ASXL2: variants seen among roughly 807,000 people sequenced by gnomAD.
The protein encoded by ASXL2 is ASXL transcriptional regulator 2.
In ASXL2, 23 loss-of-function variants were observed where a neutral mutation model predicts 122.0. That is an observed-to-expected ratio of 0.19 (90% CI 0.14 to 0.27). The LOEUF is 0.27. Ranked by LOEUF, ASXL2 falls within the 10% of genes least tolerant of loss-of-function variation. The pLI is 1.00. For synonymous variants in ASXL2, 650 were observed against 637.0 expected (o/e 1.02, Z -0.31); for missense variants, 1,518 against 1,713.8 (o/e 0.89, Z 2.02).
chr2:25,851,608 T>C (rs1012175464), intron 1 of ASXL2, among the ~76,000 whole-genome samples: 7 of 152,280 alleles, frequency 4.6e-5, no homozygotes, highest in East Asian at 1.9e-4. Context: ...CTCCCTTTGA[T>C]AGCTTAATAC....
chr2:25,738,975 G>GT lies in ASXL2; in HGVS notation c.*3053dup, dbSNP rs1206175173. ...TCCAGGCTATTTGGCTTTACTTTCT[G>GT]TTTAATAGGATGGAGAATTCTAATT... On this transcript the variant is annotated 3_prime_UTR_variant, in exon 13 of 13. Transcript: ENST00000435504. 6.6e-6 allele frequency: 1 copy of GT among 152,186 alleles called. No individual in the cohort carries two copies. Among genetic ancestry groups the GT allele is most frequent in the Non-Finnish European group, 1.5e-5 (1 of 68,018 alleles). 9.4% of individuals were successfully genotyped at this position (152,186 alleles called of 1,614,324 possible). A position where few individuals can be genotyped will look rare whatever the true frequency, so the allele number is the denominator to read the frequency against.
At position 25,741,645 on chromosome 2, in the gene ASXL2, G is replaced by A; in HGVS notation, c.*384C>T. The A allele has an allele frequency of 3.9e-6, 1 of 253,888 alleles. No homozygotes were observed. The highest frequency in any genetic ancestry group is 7.7e-6 in the Non-Finnish European group (1 of 129,580). 15.7% of individuals were successfully genotyped at this position (253,888 alleles called of 1,614,324 possible). A position where few individuals can be genotyped will look rare whatever the true frequency, so the allele number is the denominator to read the frequency against. On this transcript the variant is annotated 3_prime_UTR_variant, in exon 13 of 13. Transcript: ENST00000435504. ...CTAGCTTCCTAGGAAATGTCAGAAGGGAGACAGCTTCCTTTTACCATGCCG... is the reference window on the plus strand; with the variant it reads ...CTAGCTTCCTAGGAAATGTCAGAAGAGAGACAGCTTCCTTTTACCATGCCG...
chr2:25,770,925 T>C (rs963158991), intron 6 of ASXL2, among the ~76,000 whole-genome samples: 7 of 151,486 alleles, frequency 4.6e-5, no homozygotes, highest in African/African-American at 7.3e-5. Context: ...AATTAGACAC[T>C]TTAAAAAATG....
intron 5 of ASXL2, among the ~76,000 whole-genome samples, chr2:25,783,271 G>T (rs931550797): frequency 6.6e-6 from 1 of 151,378 alleles, no homozygotes; most frequent in Non-Finnish European, 1.5e-5. Flanking sequence ...TCTCTACTGG[G>T]TTCAATTTTT....
In ASXL2 at chr2:25,742,202, C is replaced by T. The variant is rs768709532; in HGVS notation, c.4135G>A (p.Gly1379Ser). 4 of 1,613,822 alleles carry T rather than the reference C, an allele frequency of 2.5e-6. No homozygotes were observed. Among genetic ancestry groups the T allele is most frequent in the Non-Finnish European group, 1.7e-6 (2 of 1,179,890 alleles). ...ASQAMNPSSH[G>S]QTIPVQAFSE... ...AACGCCTGAACAGGAATGGTCTGGC[C>T]ATGGCTGCTGGGATTCATAGCTTGG... Residue 1379 changes from glycine to serine, a missense_variant, in exon 13 of 13, where the codon GGC (glycine) becomes AGC (serine). Around this residue, in one of 8 missense-constraint regions of ASXL2, gnomAD observed 831 missense variants for 833.1 expected, o/e 1.00. Transcript: ENST00000435504.
rs950860491 is a variant in ASXL2, at chr2:25,737,128, T to C, written c.*4901A>G. 1.3e-5 allele frequency: 2 copies of C among 152,070 alleles called. No homozygotes were observed. The highest frequency in any genetic ancestry group is 6.6e-5 in the Admixed American group (1 of 15,266). The allele number at this position is 152,070 out of a possible 1,614,324, so 9.4% of individuals were successfully genotyped here. On this transcript the variant is annotated 3_prime_UTR_variant, in exon 13 of 13. Coordinates refer to ENST00000435504, the MANE Select transcript of ASXL2 (RefSeq NM_018263.6). ...AAGGCACAGGTGTTTCTCTTCACAT[T>C]ATTTTCCTTGCTCTTTGACCTCTCC...
At chr2:25,837,981 A>T (rs1292540088) in intron 2 of ASXL2, among the ~76,000 whole-genome samples, 1 of 151,662 alleles carries the variant, frequency 6.6e-6, no homozygotes, top group Non-Finnish European at 1.5e-5. Context: ...AACACAAAAA[A>T]TTAGCCAAGC....
intron 8 of ASXL2, among the ~76,000 whole-genome samples, chr2:25,763,465 G>A (rs1455070331): frequency 6.6e-6 from 1 of 151,678 alleles, no homozygotes; most frequent in African/African-American, 2.4e-5. Flanking sequence ...ACTCCAGCCT[G>A]GGTGACAGAT....
chr2:25,835,839 T>C (rs2089504166), intron 2 of ASXL2, among the ~76,000 whole-genome samples: 1 of 152,236 alleles, frequency 6.6e-6, no homozygotes, highest in Admixed American at 6.5e-5. Context: ...GGCATTTAAA[T>C]GTGGATACAA....
intron 2 of ASXL2, among the ~76,000 whole-genome samples, chr2:25,838,223 A>G (rs1029942677): frequency 1.3e-5 from 2 of 152,240 alleles, no homozygotes; most frequent in African/African-American, 4.8e-5. Context: ...CAGATTCCCC[A>G]GCAGAGGGCT....
chr2:25,800,120 CCCA>C (rs1439062640), intron 4 of ASXL2, among the ~76,000 whole-genome samples: 1 of 151,830 alleles, frequency 6.6e-6, no homozygotes, highest in Non-Finnish European at 1.5e-5. Context: ...ATGGTGAAAC[CCCA>C]CCTCTACAAA....
At chr2:25,752,993 A>G (rs1354537116) in intron 11 of ASXL2, among the ~76,000 whole-genome samples, 2 of 150,730 alleles carry the variant, frequency 1.3e-5, no homozygotes, top group Non-Finnish European at 3.0e-5. Context: ...TTGAGATGGA[A>G]TTTTGCTCTT....
At chr2:25,759,973 TAAATG>T (rs1204536917) in intron 8 of ASXL2, among the ~76,000 whole-genome samples, 3 of 152,192 alleles carry the variant, frequency 2.0e-5, no homozygotes, top group African/African-American at 7.2e-5. Flanking sequence ...AAGTTTATGA[TAAATG>T]ATATGAAGAA....
intron 5 of ASXL2, among the ~76,000 whole-genome samples, chr2:25,782,111 A>G (rs2088652807): frequency 6.6e-6 from 1 of 151,504 alleles, no homozygotes; most frequent in African/African-American, 2.4e-5. Flanking sequence ...TTTTTAATCA[A>G]TATTTATCTC....
At chr2:25,865,099 A>T (rs1295715431) in intron 1 of ASXL2, among the ~76,000 whole-genome samples, 3 of 151,818 alleles carry the variant, frequency 2.0e-5, no homozygotes, top group African/African-American at 7.3e-5. Flanking sequence ...CTGAGATTAC[A>T]GGTGTGAGCC....
intron 9 of ASXL2, among the ~76,000 whole-genome samples, chr2:25,757,025 C>T (rs1311901950): frequency 6.6e-6 from 1 of 152,138 alleles, no homozygotes; most frequent in African/African-American, 2.4e-5. Context: ...GCTTTTTTAA[C>T]CCCAAATCTG....
chr2:25,767,461 T>C, intron 8 of ASXL2, 122 bp downstream of exon 8: 1 of 1,051,230 alleles, frequency 9.5e-7, no homozygotes. Flanking sequence ...AACTTATGTC[T>C]AATCTTTGCT....
At chr2:25,759,402 C>T (rs1036397629) in intron 9 of ASXL2, 80 bp downstream of exon 9, 6 of 1,352,880 alleles carry the variant, frequency 4.4e-6, no homozygotes, top group African/African-American at 1.5e-5. Flanking sequence ...ATTCTTACTT[C>T]TCACTTAGTA....
At chr2:25,862,400 T>A (rs1054336861) in intron 1 of ASXL2, among the ~76,000 whole-genome samples, 8 of 152,208 alleles carry the variant, frequency 5.3e-5, no homozygotes, top group Non-Finnish European at 1.2e-4. Context: ...ATGGTACATA[T>A]GATTCCTGAT....
Sources: gnomAD v4.1 joint callset for allele counts (sites outside exome capture counted in the v4.1 genomes callset) on GRCh38, gnomAD v4.1.1 for gene constraint, gnomAD v4.1.1 regional missense constraint, MANE v1.5 for transcripts, NCBI Gene and HGNC (gene_info 2026-07-23, HGNC 2026-07-21) for gene names.